Variants in EEPD1 observed in about 807,000 individuals in gnomAD.
EEPD1 encodes the protein endonuclease/exonuclease/phosphatase family domain-containing protein 1.
Under a neutral mutation model 46.3 loss-of-function variants are expected in EEPD1, and 17 were observed. That is an observed-to-expected ratio of 0.37 (90% CI 0.25 to 0.55). The LOEUF (loss-of-function observed/expected upper bound fraction) is 0.55, where lower values mean the gene tolerates loss of function less well. Ranked by LOEUF, EEPD1 falls within the 20% of genes least tolerant of loss-of-function variation. EEPD1 has a pLI of 0.83. For synonymous variants in EEPD1, 313 were observed against 315.6 expected (o/e 0.99, Z 0.09); for missense variants, 673 against 745.6 (o/e 0.90, Z 1.13).
At chr7:36,274,100 C>T (rs968648815) in intron 3 of EEPD1, among the ~76,000 whole-genome samples, 6 of 152,264 alleles carry the variant, frequency 3.9e-5, no homozygotes, top group South Asian at 2.1e-4. Context: ...TGCATACCTG[C>T]GTTTGCGCTG....
At chr7:36,164,282 T>C (rs1463562497) in intron 2 of EEPD1, among the ~76,000 whole-genome samples, 2 of 152,272 alleles carry the variant, frequency 1.3e-5, no homozygotes, top group Non-Finnish European at 2.9e-5. Context: ...TTTCTGCTCA[T>C]GCTTCTATTT....
At chr7:36,209,977 G>A (rs1785897817) in intron 2 of EEPD1, among the ~76,000 whole-genome samples, 1 of 152,088 alleles carries the variant, frequency 6.6e-6, no homozygotes, top group South Asian at 2.1e-4. Context: ...CAGTGCAGAG[G>A]GAGGAAAAGC....
chr7:36,245,214 C>T (rs1168324108), intron 3 of EEPD1, among the ~76,000 whole-genome samples: 1 of 152,154 alleles, frequency 6.6e-6, no homozygotes, highest in African/African-American at 2.4e-5. Context: ...TCCCAAAGTG[C>T]TGGGATTACA....
intron 7 of EEPD1, among the ~76,000 whole-genome samples, chr7:36,298,254 T>C (rs1269749196): frequency 1.3e-5 from 2 of 152,180 alleles, no homozygotes; most frequent in African/African-American, 4.8e-5. Context: ...GGAAGAGAGC[T>C]GGGGAAGCTG....
chr7:36,270,070 G>A (rs560981791), intron 3 of EEPD1, among the ~76,000 whole-genome samples: 1 of 152,254 alleles, frequency 6.6e-6, no homozygotes, highest in African/African-American at 2.4e-5. Context: ...ATGATAACAT[G>A]GCACAGTATA....
chr7:36,280,080 G>A (rs1218867163), intron 3 of EEPD1, among the ~76,000 whole-genome samples: 2 of 152,214 alleles, frequency 1.3e-5, no homozygotes, highest in Non-Finnish European at 2.9e-5. Context: ...AAGGATGGAA[G>A]TGCTTTGGAC....
intron 2 of EEPD1, chr7:36,230,932 A>G (rs914691444): frequency 6.6e-6 from 1 of 152,230 alleles, no homozygotes; most frequent in East Asian, 1.9e-4. Flanking sequence ...ATGTCATTTA[A>G]TAAACGCAGT....
chr7:36,154,361 A>C lies in EEPD1; in HGVS notation c.37A>C (p.Arg13=). 1.2e-6 allele frequency: 2 copies of C among 1,613,034 alleles called. No homozygotes were observed. Among genetic ancestry groups the C allele is most frequent in the Admixed American group, 3.3e-5 (2 of 60,024 alleles). The change falls in exon 2 of 8, where the codon AGG becomes CGG. Residue 13 remains arginine (R), a synonymous_variant. Transcript: ENST00000242108. This position sits in a 1 kb window ranked among gnomAD's most constrained non-coding sequence, Gnocchi z 4.2. ...STLGCHRSIP[R]DPSDLSHSRK... The stretch of plus-strand genomic sequence containing the variant: ...CCTGGGCTGCCACCGCTCCATCCCC[A>C]GGGACCCCTCGGACCTGTCCCATAG...
chr7:36,297,170 TAAA>T lies in EEPD1; in HGVS notation c.1494_1496del (p.Lys500del). ...GACAACATCTGGATCAGTAAAAGCT[TAAA>T]GAAGGTTTTCACAGGTGAGGCAGAA... On this transcript the variant is annotated inframe_deletion, in exon 7 of 8. Transcript: ENST00000242108. The T allele has an allele frequency of 6.2e-7, 1 of 1,614,082 alleles. No homozygotes were observed. The highest frequency in any genetic ancestry group is 8.5e-7 in the Non-Finnish European group (1 of 1,180,000).
At chr7:36,253,937 G>T (rs1786788197) in intron 3 of EEPD1, among the ~76,000 whole-genome samples, 1 of 151,882 alleles carries the variant, frequency 6.6e-6, no homozygotes, top group Admixed American at 6.6e-5. Context: ...TGCTATTATT[G>T]CTGTAGTTGA....
intron 2 of EEPD1, among the ~76,000 whole-genome samples, chr7:36,208,125 G>A (rs904343999): frequency 2.6e-4 from 40 of 152,122 alleles, no homozygotes; most frequent in African/African-American, 9.4e-4. Flanking sequence ...CTGGGCCTGG[G>A]CCAACAGGAC....
chr7:36,198,812 A>G (rs1334712428), intron 2 of EEPD1, among the ~76,000 whole-genome samples: 1 of 152,110 alleles, frequency 6.6e-6, no homozygotes, highest in Non-Finnish European at 1.5e-5. Context: ...TGGGTGTGCC[A>G]GCCACGGTCA....
chr7:36,294,868 G>A (rs193200121), intron 6 of EEPD1, among the ~76,000 whole-genome samples: 6 of 152,224 alleles, frequency 3.9e-5, no homozygotes, highest in East Asian at 1.9e-4. Context: ...TGGCTGATGC[G>A]AGGACTGAGA....
At chr7:36,219,792 A>AGT (rs1303762417) in intron 2 of EEPD1, among the ~76,000 whole-genome samples, 11 of 92,190 alleles carry the variant, frequency 1.2e-4, no homozygotes, top group African/African-American at 3.6e-4. Flanking sequence ...AGAGAGAGAG[A>AGT]GAGAGAGAGA....
chr7:36,235,581 G>C (rs1351151383), intron 2 of EEPD1, among the ~76,000 whole-genome samples: 4 of 152,234 alleles, frequency 2.6e-5, no homozygotes, highest in Non-Finnish European at 5.9e-5. Flanking sequence ...GACTGGCTGT[G>C]AGTGCCTTCC....
At chr7:36,160,117 T>G (rs61015464) in intron 2 of EEPD1, among the ~76,000 whole-genome samples, 6,262 of 152,312 alleles carry the variant, frequency 0.041, 439 homozygotes, top group African/African-American at 0.14. Flanking sequence ...TCCCAGGGGC[T>G]ATCCATTCCT....
chr7:36,178,418 G>T (rs1302155660), intron 2 of EEPD1, among the ~76,000 whole-genome samples: 1 of 152,136 alleles, frequency 6.6e-6, no homozygotes, highest in Non-Finnish European at 1.5e-5. Flanking sequence ...TCTCGGCCAC[G>T]GGGGCCCTCC....
Position 36,193,011 on chromosome 7 carries a change from G to C in EEPD1, c.878+37809G>C, listed in dbSNP as rs527707610. Among the ~76,000 whole-genome samples the C allele has an allele frequency of 5.6e-4, 86 of 152,370 alleles. No homozygotes were observed. The highest frequency in any genetic ancestry group is 1.9e-3 in the African/African-American group (80 of 41,584). ...GAGTGGGGATGCGCAGCGAGGGGCAGCTCAGGGCTGGACTCTTCACTGCTG... is the reference window on the plus strand; with the variant it reads ...GAGTGGGGATGCGCAGCGAGGGGCACCTCAGGGCTGGACTCTTCACTGCTG... On this transcript the variant is annotated intron_variant, in intron 2 of 7. Coordinates refer to ENST00000242108, the MANE Select transcript of EEPD1 (RefSeq NM_030636.3). This position sits in a 1 kb window ranked among gnomAD's most constrained non-coding sequence, Gnocchi z 4.9.
intron 3 of EEPD1, among the ~76,000 whole-genome samples, chr7:36,262,210 C>T (rs1410595004): frequency 6.6e-6 from 1 of 152,152 alleles, no homozygotes; most frequent in Non-Finnish European, 1.5e-5. Flanking sequence ...CATAGTGGCT[C>T]ACATCCATAA....
Sources: gnomAD v4.1 joint callset for allele counts (sites outside exome capture counted in the v4.1 genomes callset) on GRCh38, gnomAD v4.1.1 for gene constraint, Gnocchi (gnomAD v3.1) non-coding constraint, MANE v1.5 for transcripts, NCBI Gene and HGNC (gene_info 2026-07-23, HGNC 2026-07-21) for gene names.